SETD2: variants seen among roughly 807,000 people sequenced by gnomAD.
The protein encoded by SETD2 is SET domain containing 2, histone lysine methyltransferase.
Under a neutral mutation model 242.1 loss-of-function variants are expected in SETD2, and 31 were observed. The observed-to-expected ratio is 0.13, with a 90% CI of 0.10 to 0.17. The LOEUF (loss-of-function observed/expected upper bound fraction) is 0.17, where lower values mean the gene tolerates loss of function less well. Among genes scored for constraint, SETD2 ranks in the 10% least tolerant of loss-of-function variants. SETD2 has a pLI of 1.00. For missense variants in SETD2, 2,481 were observed against 3,046.3 expected, an observed-to-expected ratio of 0.81 and a Z score of 4.37; for synonymous variants, 1,006 against 1,066.5, an observed-to-expected ratio of 0.94 and a Z score of 1.11.
chr3:47,122,422 C>T lies in SETD2; in HGVS notation c.2214G>A (p.Leu738=), dbSNP rs548377659. 5.6e-6 allele frequency: 9 copies of T among 1,614,150 alleles called. No homozygotes were observed. The highest frequency in any genetic ancestry group is 5.3e-5 in the African/African-American group (4 of 75,066). The change falls in exon 3 of 21, where the codon CTG becomes CTA. Residue 738 remains leucine, a synonymous_variant. Transcript: ENST00000409792. The stretch of plus-strand genomic sequence containing the variant: ...TAAATGGGCTTTCTGACTTCTTATG[C>T]AGCATGCAGGTATCATCCAAGTCTT... ...KEKDLDDTCM[L]HKKSESPFRE...
At chr3:47,056,722 C>A in intron 15 of SETD2, 99 bp downstream of exon 15, 1 of 882,918 alleles carries the variant, frequency 1.1e-6, no homozygotes, top group South Asian at 1.6e-5. Flanking sequence ...TCAATATATA[C>A]AAGTAGTCCA....
chr3:47,130,312 G>A (rs970917644), intron 1 of SETD2, among the ~76,000 whole-genome samples: 1 of 152,162 alleles, frequency 6.6e-6, no homozygotes, highest in African/African-American at 2.4e-5. Context: ...TTTAAAGAGT[G>A]GATTTGGTGG....
chr3:47,141,618 A>C (rs1282954043), intron 1 of SETD2, among the ~76,000 whole-genome samples: 4 of 152,188 alleles, frequency 2.6e-5, no homozygotes, highest in Admixed American at 2.0e-4. Flanking sequence ...TTCTGAAAAT[A>C]ATTTTATTAT....
At chr3:47,090,032 G>C (rs1233856458) in intron 9 of SETD2, among the ~76,000 whole-genome samples, 2 of 152,162 alleles carry the variant, frequency 1.3e-5, no homozygotes, top group Non-Finnish European at 2.9e-5. Flanking sequence ...CGGATCACCT[G>C]AGGTCAGGAG....
intron 12 of SETD2, among the ~76,000 whole-genome samples, chr3:47,076,240 G>C (rs1349490326): frequency 2.1e-4 from 32 of 152,204 alleles, no homozygotes; most frequent in Admixed American, 2.0e-3. Context: ...ATGTATGTGT[G>C]TGAATATTAG....
At chr3:47,099,750 T>G (rs1027833005) in intron 8 of SETD2, among the ~76,000 whole-genome samples, 4 of 152,244 alleles carry the variant, frequency 2.6e-5, no homozygotes, top group Non-Finnish European at 2.9e-5. Flanking sequence ...GCTGGGACTA[T>G]AAGCATGCAC....
chr3:47,087,984 C>T (rs1395245726), intron 10 of SETD2, 129 bp downstream of exon 10: 8 of 1,015,842 alleles, frequency 7.9e-6, no homozygotes, highest in Non-Finnish European at 1.1e-5. Context: ...AACAAACAAA[C>T]AAACAAACAA....
chr3:47,042,502 T>G, intron 17 of SETD2, 59 bp downstream of exon 17: 1 of 1,578,322 alleles, frequency 6.3e-7, no homozygotes, highest in South Asian at 1.1e-5. Flanking sequence ...CCCCTTATAG[T>G]GGCAACTTCT....
intron 1 of SETD2, among the ~76,000 whole-genome samples, chr3:47,139,692 C>T (rs1161167865): frequency 1.3e-5 from 2 of 151,754 alleles, no homozygotes; most frequent in Admixed American, 6.6e-5. Context: ...TGAAATTTGC[C>T]GCATTCTCAT....
At chr3:47,043,740 T>C (rs76860722) in intron 16 of SETD2, among the ~76,000 whole-genome samples, 173 of 152,314 alleles carry the variant, frequency 1.1e-3, no homozygotes, top group South Asian at 8.3e-3. Context: ...CTTTTTTATC[T>C]CTTATTTCAC....
At chr3:47,061,894 A>C (rs970260993) in intron 14 of SETD2, among the ~76,000 whole-genome samples, 1 of 152,234 alleles carries the variant, frequency 6.6e-6, no homozygotes, top group African/African-American at 2.4e-5. Flanking sequence ...TGCGCTCGAA[A>C]GAACAAATCT....
intron 1 of SETD2, among the ~76,000 whole-genome samples, chr3:47,163,246 C>A (rs1697553901): frequency 6.6e-6 from 1 of 152,244 alleles, no homozygotes. Context: ...TCCGGAAGCA[C>A]TGCAAGGCCA....
At chr3:47,147,323 ATT>A (rs538113130) in intron 1 of SETD2, among the ~76,000 whole-genome samples, 8 of 126,160 alleles carry the variant, frequency 6.3e-5, no homozygotes, top group Admixed American at 1.6e-4. Flanking sequence ...ACTGCATGTC[ATT>A]TTTTTTTTTT....
intron 1 of SETD2, 134 bp downstream of exon 1, chr3:47,163,720 A>C: frequency 2.9e-5 from 18 of 628,872 alleles, no homozygotes; most frequent in Non-Finnish European, 2.9e-5. Context: ...CCTGCTCCCG[A>C]CACCGACCGC....
At chr3:47,075,028 G>A (rs538244419) in intron 12 of SETD2, among the ~76,000 whole-genome samples, 13 of 152,060 alleles carry the variant, frequency 8.5e-5, no homozygotes, top group African/African-American at 3.1e-4. Flanking sequence ...CAGCTACTCC[G>A]GAGGCTGTGG....
Position 47,047,829 on chromosome 3 carries a change from T to A in SETD2, c.6964-1208A>T, listed in dbSNP as rs190144341. Among the ~76,000 whole-genome samples, 6 of 152,278 alleles carry A rather than the reference T, an allele frequency of 3.9e-5. No homozygotes were observed. The East Asian group carries it at 1.2e-3, about 29-fold the overall frequency. On this transcript the variant is annotated intron_variant, in intron 15 of 20. Transcript: ENST00000409792. ...TGTATTGCTTAACAAGGGGGGTACA[T>A]TCTGAGAAATGCATTGTTAGGAGAT...
intron 18 of SETD2, among the ~76,000 whole-genome samples, chr3:47,021,712 A>T (rs896387157): frequency 1.3e-5 from 2 of 152,238 alleles, no homozygotes; most frequent in Admixed American, 6.5e-5. Flanking sequence ...TGCAAATGGC[A>T]TGGGAAATAA....
At chr3:47,096,052 A>G (rs970412535) in intron 9 of SETD2, among the ~76,000 whole-genome samples, 3 of 152,198 alleles carry the variant, frequency 2.0e-5, no homozygotes, top group Non-Finnish European at 4.4e-5. Context: ...CACCACGCCC[A>G]GCTATATTTT....
chr3:47,150,139 C>T (rs1352489781), intron 1 of SETD2, among the ~76,000 whole-genome samples: 1 of 149,928 alleles, frequency 6.7e-6, no homozygotes, highest in Non-Finnish European at 1.5e-5. Context: ...AAGCAATTCC[C>T]CTGCCTCAGC....
Sources: gnomAD v4.1 joint callset for allele counts (sites outside exome capture counted in the v4.1 genomes callset) on GRCh38, gnomAD v4.1.1 for gene constraint, MANE v1.5 for transcripts, NCBI Gene and HGNC (gene_info 2026-07-23, HGNC 2026-07-21) for gene names.